ZNF461: variants seen among roughly 807,000 people sequenced by gnomAD.
ZNF461 encodes zinc finger protein 461.
In ZNF461, 16 loss-of-function variants were observed where a neutral mutation model predicts 18.3. That is an observed-to-expected ratio of 0.88 (90% CI 0.59 to 1.33). The LOEUF (loss-of-function observed/expected upper bound fraction) is 1.33. Ranked by LOEUF, ZNF461 falls within the 40% of genes most tolerant of loss-of-function variation. ZNF461 has a pLI of 0.00. For synonymous variants in ZNF461, 179 were observed against 216.9 expected, an observed-to-expected ratio of 0.83 and a Z score of 1.54; for missense variants, 595 against 669.9, an observed-to-expected ratio of 0.89 and a Z score of 1.23.
chr19:36,648,997 G>C (rs2037578653), intron 4 of ZNF461, among the ~76,000 whole-genome samples: 1 of 152,104 alleles, frequency 6.6e-6, no homozygotes, highest in Non-Finnish European at 1.5e-5. Context: ...GCAGTGTAAT[G>C]GTTCTGAAAA....
At position 36,638,271 on chromosome 19, in the gene ZNF461, A is replaced by T; in HGVS notation, c.*382T>A. The T allele has an allele frequency of 5.6e-6, 1 of 179,588 alleles. No individual in the cohort carries two copies. Among genetic ancestry groups the T allele is most frequent in the Non-Finnish European group, 1.2e-5 (1 of 85,010 alleles). The allele number at this position is 179,588 out of a possible 1,614,324, so 11.1% of individuals were successfully genotyped here. A position where few individuals can be genotyped will look rare whatever the true frequency, so the allele number is the denominator to read the frequency against. On this transcript the variant is annotated 3_prime_UTR_variant, in exon 6 of 6. Transcript: ENST00000588268. ...AAAGCTCCTCCAAACACATGCAAAA[A>T]ATGCTTTCTGTGTACAGGTTGTTTG... is the stretch of plus-strand genomic sequence containing the variant.
chr19:36,640,040 A>C lies in ZNF461; in HGVS notation c.305T>G (p.Leu102Trp). ...CTTCTGGGGCTCATCTCTGGATGCC[A>C]AGTCTGAAAGATAAGAAATATATTT... is the stretch of plus-strand genomic sequence containing the variant. ...NNEATDINAD[L>W]ASRDEPQKLS... Residue 102 changes from leucine (L) to tryptophan (W), a missense_variant, in exon 6 of 6, where the codon TTG (leucine) becomes TGG (tryptophan). Physicochemically the swap from Leu to Trp is moderately conservative, Grantham distance 61. Coordinates refer to ENST00000588268, the MANE Select transcript of ZNF461 (RefSeq NM_153257.5). The C allele has an allele frequency of 6.3e-7, 1 of 1,596,574 alleles. No homozygotes were observed. The highest frequency in any genetic ancestry group is 1.4e-5 in the African/African-American group (1 of 74,016).
In ZNF461 at chr19:36,650,359, C is replaced by T. The variant is rs541772193; in HGVS notation, c.232+6089G>A. 8.6e-4 allele frequency among the ~76,000 whole-genome samples: 131 copies of T among 152,160 alleles called. 2 individuals are homozygous for T. The South Asian group carries it at 0.016, about 18-fold the overall frequency. The stretch of plus-strand genomic sequence containing the variant: ...ACAAATTAGAAGATATGGACGAAAT[C>T]TTTGAAAATCACAAACTACCAATAC... On this transcript the variant is annotated intron_variant, in intron 4 of 5. Coordinates refer to ENST00000588268, the MANE Select transcript of ZNF461 (RefSeq NM_153257.5).
chr19:36,638,548 T>A lies in ZNF461; in HGVS notation c.*105A>T. The A allele has an allele frequency of 1.1e-6, 1 of 938,376 alleles. No individual in the cohort carries two copies. Among genetic ancestry groups the A allele is most frequent in the Non-Finnish European group, 1.5e-6 (1 of 659,254 alleles). 58.1% of individuals were successfully genotyped at this position (938,376 alleles called of 1,614,324 possible). On this transcript the variant is annotated 3_prime_UTR_variant, in exon 6 of 6. Coordinates refer to ENST00000588268, the MANE Select transcript of ZNF461 (RefSeq NM_153257.5). ...ATCCACTTTCTCACTTAAAAACATT[T>A]GATTTTCAAGGATTATTTAAATAAA...
In ZNF461 at chr19:36,638,460, A is replaced by G; in HGVS notation, c.*193T>C. 6.9e-6 allele frequency: 3 copies of G among 435,338 alleles called. No homozygotes were observed. Among genetic ancestry groups the G allele is most frequent in the Non-Finnish European group, 8.0e-6 (2 of 249,766 alleles). 27.0% of individuals were successfully genotyped at this position (435,338 alleles called of 1,614,324 possible). ...TTCTCAATAAAAAAATTTATTCTCA[A>G]TAATGGTTAATACAATAACTCAGAA... On this transcript the variant is annotated 3_prime_UTR_variant, in exon 6 of 6. Transcript: ENST00000588268.
intron 4 of ZNF461, among the ~76,000 whole-genome samples, chr19:36,648,385 A>G (rs1337532594): frequency 6.6e-6 from 1 of 152,066 alleles, no homozygotes; most frequent in Non-Finnish European, 1.5e-5. Context: ...CAAATTACCC[A>G]GTCTCAGGTA....
chr19:36,652,507 AAAAAAAAC>A (rs1220844286), intron 4 of ZNF461, among the ~76,000 whole-genome samples: 1 of 151,318 alleles, frequency 6.6e-6, no homozygotes, highest in Non-Finnish European at 1.5e-5. Flanking sequence ...TCTCAAAAAA[AAAAAAAAC>A]AAAAACTATA....
At position 36,639,255 on chromosome 19, in the gene ZNF461, T is replaced by C. The variant is rs1568641373; in HGVS notation, c.1090A>G (p.Lys364Glu). The change falls in exon 6 of 6, where the codon AAG (lysine) becomes GAG (glutamate). Residue 364 changes from lysine (K) to glutamate (E), a missense_variant. Physicochemically the swap from Lys to Glu is moderately conservative, Grantham distance 56 (BLOSUM62 1). Coordinates refer to ENST00000588268, the MANE Select transcript of ZNF461 (RefSeq NM_153257.5). ...EKPYECKECG[K>E]TFRHRSHLTI... ...AGATGTGAGCGATGCCTAAAAGTCT[T>C]TCCACATTCTTTACATTCATAAGGT... 1 of 1,614,130 alleles carries C rather than the reference T, an allele frequency of 6.2e-7. No individual in the cohort carries two copies. The highest frequency in any genetic ancestry group is 8.5e-7 in the Non-Finnish European group (1 of 1,180,018).
chr19:36,659,206 G>A (rs971522023), intron 2 of ZNF461, among the ~76,000 whole-genome samples: 1 of 152,150 alleles, frequency 6.6e-6, no homozygotes, highest in Non-Finnish European at 1.5e-5. Flanking sequence ...GCAACAGCTT[G>A]CAAACCATGT....
At chr19:36,658,561 C>A in intron 2 of ZNF461, 136 bp from the exon 3 acceptor site, 1 of 837,662 alleles carries the variant, frequency 1.2e-6, no homozygotes, top group Non-Finnish European at 1.8e-6. Flanking sequence ...GGACATGGGT[C>A]AAAGAGGAAT....
At chr19:36,640,125 C>T in intron 5 of ZNF461, 82 bp from the exon 6 acceptor site, 4 of 1,191,044 alleles carry the variant, frequency 3.4e-6, no homozygotes, top group Non-Finnish European at 4.6e-6. Context: ...TGAGAGATAA[C>T]TGCAAATAAT....
rs1171615398 is a variant in ZNF461, at chr19:36,637,707, CAAATGTGGACTAAT to C, written c.*932_*945del. On this transcript the variant is annotated 3_prime_UTR_variant, in exon 6 of 6. Coordinates refer to ENST00000588268, the MANE Select transcript of ZNF461 (RefSeq NM_153257.5). ...CAAAAAAAAAAAAAATGAAGTAGGCCAAATGTGGACTAATAATGAGAATGTGTAATAAATCACAT... is the reference window on the plus strand; with the variant it reads ...CAAAAAAAAAAAAAATGAAGTAGGCCAATGAGAATGTGTAATAAATCACAT... The C allele has an allele frequency of 1.1e-5, 3 of 282,238 alleles. No homozygotes were observed. Among genetic ancestry groups the C allele is most frequent in the Non-Finnish European group, 2.1e-5 (3 of 142,308 alleles). The allele number at this position is 282,238 out of a possible 1,614,324, so 17.5% of individuals were successfully genotyped here.
At position 36,638,388 on chromosome 19, in the gene ZNF461, G is replaced by A. The variant is rs1221329859; in HGVS notation, c.*265C>T. On this transcript the variant is annotated 3_prime_UTR_variant, in exon 6 of 6. Coordinates refer to ENST00000588268, the MANE Select transcript of ZNF461 (RefSeq NM_153257.5). ...TTTCATTTTATTTCACTGTTTCAGT[G>A]AAATATTTCACTGGTTTCAGTGAAA... 3.5e-6 allele frequency: 1 copy of A among 286,514 alleles called. No homozygotes were observed. Among genetic ancestry groups the A allele is most frequent in the African/African-American group, 2.2e-5 (1 of 45,228 alleles). 17.7% of individuals were successfully genotyped at this position (286,514 alleles called of 1,614,324 possible).
At chr19:36,653,252 A>C (rs1272317561) in intron 4 of ZNF461, among the ~76,000 whole-genome samples, 1 of 152,200 alleles carries the variant, frequency 6.6e-6, no homozygotes, top group Non-Finnish European at 1.5e-5. Context: ...ATCATAAACA[A>C]ATGAAGACTT....
intron 2 of ZNF461, among the ~76,000 whole-genome samples, chr19:36,663,542 C>A (rs977416364): frequency 9.4e-5 from 12 of 127,498 alleles, no homozygotes; most frequent in African/African-American, 3.3e-4. Flanking sequence ...TTTTTTTAGA[C>A]AGAGTCTTGC....
chr19:36,652,411 G>A (rs1375956641), intron 4 of ZNF461, among the ~76,000 whole-genome samples: 9 of 148,972 alleles, frequency 6.0e-5, no homozygotes, highest in Admixed American at 2.0e-4. Flanking sequence ...TGAGGCAGGA[G>A]AATCACTTGA....
Position 36,639,210 on chromosome 19 carries a change from G to C in ZNF461, c.1135C>G (p.His379Asp). Residue 379 changes from histidine to aspartate, a missense_variant, in exon 6 of 6, where the codon CAT (histidine) becomes GAT (aspartate). Coordinates refer to ENST00000588268, the MANE Select transcript of ZNF461 (RefSeq NM_153257.5). ...RSHLTIHQRI[H>D]TGEKPYECRE... The stretch of plus-strand genomic sequence containing the variant: ...CATTCATAGGGTTTCTCACCAGTAT[G>C]AATTCTCTGATGTATAGTAAGATGT... 1.2e-6 allele frequency: 2 copies of C among 1,614,150 alleles called. No individual in the cohort carries two copies. The highest frequency in any genetic ancestry group is 1.7e-6 in the Non-Finnish European group (2 of 1,180,020).
At chr19:36,659,751 T>C (rs997924175) in intron 2 of ZNF461, among the ~76,000 whole-genome samples, 2 of 152,222 alleles carry the variant, frequency 1.3e-5, no homozygotes, top group African/African-American at 4.8e-5. Flanking sequence ...TCCCAAAGAA[T>C]ATTAATGTAG....
intron 2 of ZNF461, 60 bp downstream of exon 2, chr19:36,664,638 C>T (rs1034212490): frequency 2.7e-5 from 36 of 1,343,314 alleles, no homozygotes; most frequent in Non-Finnish European, 3.4e-5. Flanking sequence ...ACAAAAAAAA[C>T]AAAAACAAAC....
Sources: allele counts gnomAD v4.1 joint callset (sites outside exome capture counted in the v4.1 genomes callset), GRCh38; gene constraint gnomAD v4.1.1; transcripts MANE v1.5; gene names NCBI Gene and HGNC (gene_info 2026-07-23, HGNC 2026-07-21).